Variants in ADCK1 observed in about 807,000 individuals in gnomAD.
ADCK1 encodes the protein aarF domain-containing protein kinase 1.
In ADCK1, 41 loss-of-function variants were observed where a neutral mutation model predicts 52.3. The observed-to-expected ratio is 0.78, with a 90% CI of 0.61 to 1.02. The LOEUF (loss-of-function observed/expected upper bound fraction) is 1.02. ADCK1 is among the 50% of genes least tolerant of loss of function. The pLI is 0.00. For missense variants in ADCK1, 658 were observed against 679.5 expected (o/e 0.97, Z 0.35); for synonymous variants, 250 against 274.6 (o/e 0.91, Z 0.89).
intron 6 of ADCK1, among the ~76,000 whole-genome samples, chr14:77,906,260 T>C (rs750511765): frequency 3.3e-5 from 5 of 152,146 alleles, no homozygotes; most frequent in Non-Finnish European, 7.4e-5. Flanking sequence ...AATCTTACTC[T>C]CCAAAACATT....
chr14:77,802,520 G>A (rs903395187), intron 1 of ADCK1, among the ~76,000 whole-genome samples: 22 of 151,970 alleles, frequency 1.4e-4, no homozygotes, highest in Admixed American at 1.2e-3. Flanking sequence ...GCACGATCTT[G>A]GCTCACTGCA....
Position 77,899,105 on chromosome 14 carries a change from C to A in ADCK1, c.588C>A (p.Leu196=), listed in dbSNP as rs561183688. 17 of 1,613,548 alleles carry A rather than the reference C, an allele frequency of 1.1e-5. No individual in the cohort carries two copies. In the South Asian group the frequency reaches 1.6e-4, roughly 16 times the overall value. ...SSKDILLMEV[L]VLAVKQLFPE... is the part of the protein sequence containing the mutation. ...GGGTGCTTGTTGGATTTCAGGTGCT[C>A]GTTCTGGCTGTGAAGCAGCTGTTCC... The change falls in exon 6 of 11, where the codon CTC becomes CTA. Residue 196 remains leucine (L), a synonymous_variant. Transcript: ENST00000238561.
At chr14:77,866,796 C>T (rs3783967) in intron 4 of ADCK1, among the ~76,000 whole-genome samples, 5,496 of 152,134 alleles carry the variant, frequency 0.036, 146 homozygotes, top group South Asian at 0.065. Context: ...CTGGTGGGGC[C>T]GGGTGTGGGC....
rs1187439892 is a variant in ADCK1, at chr14:77,923,494, C to T, written c.859-963C>T. 6.6e-6 allele frequency: 1 copy of T among 152,264 alleles called. No individual in the cohort carries two copies. Among genetic ancestry groups the T allele is most frequent in the East Asian group, 1.9e-4 (1 of 5,190 alleles). 9.4% of individuals were successfully genotyped at this position (152,264 alleles called of 1,614,324 possible). A position where few individuals can be genotyped will look rare whatever the true frequency, so the allele number is the denominator to read the frequency against. The stretch of plus-strand genomic sequence containing the variant: ...GGAAAGAGGAGAATTTTTAAGATCC[C>T]AATCCTGTGTTCCCCACCCGTGGGC... On this transcript the variant is annotated intron_variant, in intron 7 of 10. Transcript: ENST00000238561. The surrounding 1 kb of genome is among the most constrained non-coding windows in gnomAD (Gnocchi z 4.3).
At chr14:77,859,332 C>T (rs28498552) in intron 4 of ADCK1, 53 bp downstream of exon 4, 206,919 of 1,549,428 alleles carry the variant, frequency 0.13, 17,177 homozygotes, top group African/African-American at 0.38. Flanking sequence ...TCAGAAAAGG[C>T]CCCGGCTGAA....
At chr14:77,894,456 T>G (rs377268870) in intron 5 of ADCK1, among the ~76,000 whole-genome samples, 1 of 152,198 alleles carries the variant, frequency 6.6e-6, no homozygotes. Context: ...TGCCTTATCT[T>G]GAGCTTCCTA....
chr14:77,903,450 C>T (rs1324127900), intron 6 of ADCK1, among the ~76,000 whole-genome samples: 1 of 152,236 alleles, frequency 6.6e-6, no homozygotes, highest in Non-Finnish European at 1.5e-5. Flanking sequence ...TGCTATAAAT[C>T]TCCCAGGCTC....
At chr14:77,919,530 A>T (rs1451044629) in intron 7 of ADCK1, among the ~76,000 whole-genome samples, 1 of 152,110 alleles carries the variant, frequency 6.6e-6, no homozygotes, top group East Asian at 1.9e-4. Flanking sequence ...TGCAATTGTG[A>T]ATTGTGTTGC....
intron 3 of ADCK1, among the ~76,000 whole-genome samples, chr14:77,857,823 ACT>A (rs2082453449): frequency 6.6e-6 from 1 of 152,038 alleles, no homozygotes; most frequent in Non-Finnish European, 1.5e-5. Flanking sequence ...CTCGTGGTTC[ACT>A]CTCTTGGTTG....
intron 4 of ADCK1, among the ~76,000 whole-genome samples, chr14:77,876,977 G>A (rs1252097045): frequency 6.6e-6 from 1 of 152,242 alleles, no homozygotes; most frequent in Admixed American, 6.5e-5. Context: ...CACTTTGGGA[G>A]GCCAAGGCGG....
In ADCK1 at chr14:77,934,940, G is replaced by C. The variant is rs1014347941; in HGVS notation, c.*1549G>C. 1.3e-5 allele frequency: 2 copies of C among 152,216 alleles called. No individual in the cohort carries two copies. The highest frequency in any genetic ancestry group is 4.8e-5 in the African/African-American group (2 of 41,460). The allele number at this position is 152,216 out of a possible 1,614,324, so 9.4% of individuals were successfully genotyped here. A position where few individuals can be genotyped will look rare whatever the true frequency, so the allele number is the denominator to read the frequency against. On this transcript the variant is annotated 3_prime_UTR_variant, in exon 11 of 11. Transcript: ENST00000238561. ...GCAATATCTGATTATTAATCTTGAGGATGTGTGCTGCATAGTATATTTTAT... is the reference window on the plus strand; with the variant it reads ...GCAATATCTGATTATTAATCTTGAGCATGTGTGCTGCATAGTATATTTTAT...
intron 4 of ADCK1, among the ~76,000 whole-genome samples, chr14:77,869,175 G>A (rs928051117): frequency 2.6e-5 from 4 of 152,170 alleles, no homozygotes; most frequent in African/African-American, 4.8e-5. Flanking sequence ...TGGTTTTCTC[G>A]GGCTAGCCGC....
rs937318536 is a variant in ADCK1 at position 77,933,733 on chromosome 14, G to A, written c.*342G>A. The A allele has an allele frequency of 1.2e-5, 3 of 247,172 alleles. No homozygotes were observed. Among genetic ancestry groups the A allele is most frequent in the Non-Finnish European group, 2.4e-5 (3 of 126,670 alleles). The allele number at this position is 247,172 out of a possible 1,614,324, so 15.3% of individuals were successfully genotyped here. ...CCACGGGTGCCACTGGGGGCACACTGAACTTGTAGGGAGTGTGATTTTGTT... is the reference window on the plus strand; with the variant it reads ...CCACGGGTGCCACTGGGGGCACACTAAACTTGTAGGGAGTGTGATTTTGTT... On this transcript the variant is annotated 3_prime_UTR_variant, in exon 11 of 11. Coordinates refer to ENST00000238561, the MANE Select transcript of ADCK1 (RefSeq NM_020421.4).
At chr14:77,863,981 G>C (rs2082608834) in intron 4 of ADCK1, among the ~76,000 whole-genome samples, 1 of 152,136 alleles carries the variant, frequency 6.6e-6, no homozygotes, top group South Asian at 2.1e-4. Flanking sequence ...ACCTCTGTTA[G>C]GGGCAATGCT....
intron 3 of ADCK1, among the ~76,000 whole-genome samples, chr14:77,835,892 TC>T (rs1440194074): frequency 6.6e-6 from 1 of 152,186 alleles, no homozygotes; most frequent in Non-Finnish European, 1.5e-5. Flanking sequence ...TGCTTCGGCC[TC>T]CCAAAGTGCT....
intron 3 of ADCK1, among the ~76,000 whole-genome samples, chr14:77,838,373 C>T (rs891313997): frequency 5.3e-5 from 8 of 152,172 alleles, no homozygotes; most frequent in African/African-American, 1.4e-4. Flanking sequence ...CCCAATCTGT[C>T]TTTAAGCTTC....
chr14:77,804,588 CA>C (rs376441490), intron 1 of ADCK1, among the ~76,000 whole-genome samples: 1 of 128,794 alleles, frequency 7.8e-6, no homozygotes, highest in African/African-American at 3.0e-5. Flanking sequence ...AGAGGGGGTT[CA>C]GGGGAGGCAG....
chr14:77,840,985 C>T lies in ADCK1; in HGVS notation c.220-18091C>T, dbSNP rs147336540. Among the ~76,000 whole-genome samples the T allele has an allele frequency of 3.8e-4, 58 of 152,232 alleles. No homozygotes were observed. In the East Asian group the frequency reaches 9.7e-3, roughly 25 times the overall value. The stretch of plus-strand genomic sequence containing the variant: ...AAGAAGCCTTCATTTCTTCTGCAAT[C>T]TTCATTCCCTGTGCCATGTAAGGTA... On this transcript the variant is annotated intron_variant, in intron 3 of 10. Transcript: ENST00000238561.
rs111764465 is a variant in ADCK1 at position 77,803,097 on chromosome 14, A to G, written c.-12+2927A>G. On this transcript the variant is annotated intron_variant, in intron 1 of 10. Coordinates refer to ENST00000238561, the MANE Select transcript of ADCK1 (RefSeq NM_020421.4). ...GGCATCTTTCCAGACTTGAGGCATG[A>G]TGGTATCATTCACTTTGTGTGCTTT... 7.3e-3 allele frequency among the ~76,000 whole-genome samples: 1,112 copies of G among 152,236 alleles called. 8 individuals carry two copies. Among genetic ancestry groups the G allele is most frequent in the African/African-American group, 0.026 (1,065 of 41,528 alleles).
Sources: allele counts gnomAD v4.1 joint callset (sites outside exome capture counted in the v4.1 genomes callset), GRCh38; gene constraint gnomAD v4.1.1; non-coding constraint Gnocchi (gnomAD v3.1); transcripts MANE v1.5; gene names NCBI Gene and HGNC (gene_info 2026-07-23, HGNC 2026-07-21).